The following B9D1 variants were observed in gnomAD, a reference collection of about 807,000 sequenced individuals.
The protein encoded by B9D1 is B9 domain containing 1.
Under a neutral mutation model 26.1 loss-of-function variants are expected in B9D1, and 20 were observed. The ratio of observed to expected loss-of-function variants is 0.77; its 90% CI spans 0.54 to 1.12. The LOEUF (loss-of-function observed/expected upper bound fraction) is 1.12, where lower values mean the gene tolerates loss of function less well. Ranked by LOEUF, B9D1 falls within the 50% of genes most tolerant of loss-of-function variation. The pLI is 0.00. For synonymous variants in B9D1, 105 were observed against 103.1 expected (o/e 1.02, Z -0.11); for missense variants, 260 against 273.7 (o/e 0.95, Z 0.35).
intron 3 of B9D1, 98 bp downstream of exon 3, chr17:19,357,742 G>C (rs1382421754): frequency 1.1e-6 from 1 of 890,384 alleles, no homozygotes; most frequent in South Asian, 1.3e-5. Context: ...GTGACAATCT[G>C]AATGTGAACA....
At chr17:19,362,767 A>G, upstream of B9D1, 32 of 886,688 alleles carry the variant, frequency 3.6e-5, no homozygotes, top group East Asian at 4.8e-5. Context: ...GCGGGGCACA[A>G]GGGGCGGGGA....
intron 3 of B9D1, among the ~76,000 whole-genome samples, chr17:19,354,499 T>C (rs1179880459): frequency 6.6e-6 from 1 of 152,252 alleles, no homozygotes; most frequent in Non-Finnish European, 1.5e-5. Context: ...CAATGGATTT[T>C]GACAAATGCA....
intron 3 of B9D1, among the ~76,000 whole-genome samples, chr17:19,351,280 T>C (rs1020126477): frequency 1.3e-5 from 2 of 152,238 alleles, no homozygotes; most frequent in African/African-American, 2.4e-5. Context: ...CCTGGCCAAC[T>C]ATAGATGTCA....
chr17:19,371,014 G>A (rs1911866210), intron 1 of B9D1, among the ~76,000 whole-genome samples: 1 of 152,236 alleles, frequency 6.6e-6, no homozygotes. Context: ...CTCTCTGGGT[G>A]AACCCTGCTC....
intron 3 of B9D1, among the ~76,000 whole-genome samples, chr17:19,354,822 C>T (rs1309044066): frequency 2.0e-5 from 3 of 151,720 alleles, no homozygotes; most frequent in African/African-American, 4.8e-5. Flanking sequence ...AGCAAGACTC[C>T]GTCTCGAAAA....
chr17:19,374,084 C>A (rs1413966477), intron 1 of B9D1, among the ~76,000 whole-genome samples: 1 of 152,136 alleles, frequency 6.6e-6, no homozygotes, highest in African/African-American at 2.4e-5. Flanking sequence ...TGTCTTTGTT[C>A]CCACAAAAAG....
chr17:19,351,682 T>C (rs1198983588), intron 3 of B9D1, among the ~76,000 whole-genome samples: 1 of 152,238 alleles, frequency 6.6e-6, no homozygotes, highest in Non-Finnish European at 1.5e-5. Context: ...TTTTTAATTA[T>C]AGATTCAATT....
chr17:19,347,843 C>A lies in B9D1; in HGVS notation c.282G>T (p.Val94=). 2 of 1,614,162 alleles carry A rather than the reference C, an allele frequency of 1.2e-6. No homozygotes were observed. The highest frequency in any genetic ancestry group is 1.7e-6 in the Non-Finnish European group (2 of 1,180,036). Residue 94 remains valine (V), a synonymous_variant, in exon 4 of 7, where the codon GTG becomes GTT. Transcript: ENST00000261499. The surrounding 1 kb of genome is among the most constrained non-coding windows in gnomAD (Gnocchi z 4.3). Reference sequence around the variant, plus strand: ...AGCCTCGAACCACATCGTTCCCGAACACATCTGGTCCATACACGCTGAGCA... The same window carrying A: ...AGCCTCGAACCACATCGTTCCCGAAAACATCTGGTCCATACACGCTGAGCA... The part of the protein sequence containing the change: ...QIVLSVYGPD[V]FGNDVVRGYG...
At chr17:19,356,528 T>C (rs995362367) in intron 3 of B9D1, among the ~76,000 whole-genome samples, 2 of 152,316 alleles carry the variant, frequency 1.3e-5, no homozygotes, top group Admixed American at 6.5e-5. Flanking sequence ...ATCTCTCCCT[T>C]ATTCCTAGGG....
rs145132777 is a variant in B9D1, at chr17:19,368,358, G to A, written c.-297-7970C>T. Among the ~76,000 whole-genome samples the A allele has an allele frequency of 9.0e-4, 137 of 152,312 alleles. 2 individuals are homozygous for A. Among genetic ancestry groups the A allele is most frequent in the African/African-American group, 3.2e-3 (133 of 41,564 alleles). The stretch of plus-strand genomic sequence containing the variant: ...GCCCCCTTTACCCCTGAAGCTCACG[G>A]GAGAAAGTGCTTGGAGTAGCTTCTT... On this transcript the variant is annotated intron_variant, in intron 1 of 5. Coordinates refer to the B9D1 transcript ENST00000477478.
chr17:19,377,827 G>A (rs1415706311), intron 1 of B9D1: 4 of 985,202 alleles, frequency 4.1e-6, no homozygotes, highest in Non-Finnish European at 4.8e-6. Context: ...CACGGGAATC[G>A]CGGGACAGAC....
At position 19,373,824 on chromosome 17, in the gene B9D1, A is replaced by G. The variant is rs117978761; in HGVS notation, c.-298+4035T>C. On this transcript the variant is annotated intron_variant, in intron 1 of 5. Coordinates refer to the B9D1 transcript ENST00000477478. ...TTACAGGCGTGAGTCACCGCACCCA[A>G]TCCCACGTCTGTCTTTTAATCAAGG... 8.9e-3 allele frequency among the ~76,000 whole-genome samples: 1,355 copies of G among 152,188 alleles called. 17 individuals are homozygous for G. Among genetic ancestry groups the G allele is most frequent in the Admixed American group, 0.029 (448 of 15,284 alleles).
chr17:19,337,611 C>T, downstream of B9D1: 1 of 1,090,614 alleles, frequency 9.2e-7, no homozygotes, highest in Non-Finnish European at 1.3e-6. Flanking sequence ...GTGGGATGCT[C>T]TTGGTTACGC....
chr17:19,354,960 C>G (rs1039972735), intron 3 of B9D1, among the ~76,000 whole-genome samples: 4 of 152,170 alleles, frequency 2.6e-5, no homozygotes, highest in Non-Finnish European at 4.4e-5. Flanking sequence ...CTTGATGTCT[C>G]TCATCATTTT....
chr17:19,368,597 A>T (rs1378786396), intron 1 of B9D1, among the ~76,000 whole-genome samples: 1 of 152,212 alleles, frequency 6.6e-6, no homozygotes, highest in Non-Finnish European at 1.5e-5. Context: ...ACTTGCAGAC[A>T]GACAAGTTGA....
upstream of B9D1, among the ~76,000 whole-genome samples, chr17:19,367,308 C>CTTTTT: frequency 8.2e-6 from 1 of 121,520 alleles, no homozygotes; most frequent in Non-Finnish European, 1.7e-5. Context: ...TAAAATCAAT[C>CTTTTT]TTTTTTTTTT....
At chr17:19,371,642 AAG>A (rs1911896214) in intron 1 of B9D1, 1 of 152,286 alleles carries the variant, frequency 6.6e-6, no homozygotes, top group African/African-American at 2.4e-5. Flanking sequence ...CCCTGTTGGG[AAG>A]AGACAGTGTC....
chr17:19,355,148 T>G (rs1910159122), intron 3 of B9D1, among the ~76,000 whole-genome samples: 1 of 152,228 alleles, frequency 6.6e-6, no homozygotes, highest in Non-Finnish European at 1.5e-5. Context: ...CCTTTCAGTA[T>G]ATAGTTATCT....
rs1335429640 is a variant in B9D1 at position 19,360,271 on chromosome 17, A to G, written c.132+49T>C. On this transcript the variant is annotated intron_variant, in intron 2 of 6. Coordinates refer to ENST00000261499, the MANE Select transcript of B9D1 (RefSeq NM_015681.6). ...GGGGAAGGATATGACACCTTCAGAA[A>G]CCCCAAAAGTCATGAAGGCGGTAAG... 5.7e-6 allele frequency: 9 copies of G among 1,574,096 alleles called. No homozygotes were observed. In the Admixed American group the frequency reaches 1.5e-4, roughly 26 times the overall value.
Sources: allele counts gnomAD v4.1 joint callset (sites outside exome capture counted in the v4.1 genomes callset), GRCh38; gene constraint gnomAD v4.1.1; non-coding constraint Gnocchi (gnomAD v3.1); transcripts MANE v1.5; gene names NCBI Gene and HGNC (gene_info 2026-07-23, HGNC 2026-07-21).